DMPK: variants seen among roughly 807,000 people sequenced by gnomAD.
DMPK encodes the protein myotonin-protein kinase.
In DMPK, 32 loss-of-function variants were observed where a neutral mutation model predicts 70.3. That is an observed-to-expected ratio of 0.46 (90% confidence interval 0.34 to 0.61). DMPK has a LOEUF of 0.61. DMPK is among the 20% of genes least tolerant of loss of function. DMPK has a pLI of 0.01. For synonymous variants in DMPK, 469 were observed against 390.9 expected, an observed-to-expected ratio of 1.20 and a Z score of -2.36; for missense variants, 899 against 886.0, an observed-to-expected ratio of 1.01 and a Z score of -0.19.
intron 14 of DMPK, 112 bp from the exon 15 acceptor site, chr19:45,770,752 G>A (rs1969353403): frequency 1.6e-6 from 2 of 1,260,798 alleles, no homozygotes; most frequent in East Asian, 2.5e-5. Context: ...CCCCGCCCCC[G>A]CCCCAACAGC....
Position 45,777,441 on chromosome 19 carries a change from C to G in DMPK, c.1032G>C (p.Trp344Cys). 1 of 1,613,462 alleles carries G rather than the reference C, an allele frequency of 6.2e-7. No homozygotes were observed. The highest frequency in any genetic ancestry group is 8.5e-7 in the Non-Finnish European group (1 of 1,180,018). Residue 344 changes from tryptophan to cysteine, a missense_variant, in exon 8 of 15, where the codon TGG becomes TGC. This residue lies in a region of DMPK where 555 missense variants were observed against 483.8 expected (regional missense o/e 1.15). Transcript: ENST00000291270. This position sits in a 1 kb window ranked among gnomAD's most constrained non-coding sequence, Gnocchi z 6.7. The part of the protein sequence containing the change: ...RTHPFFFGLD[W>C]DGLRDSVPPF... The stretch of plus-strand genomic sequence containing the variant: ...GGGGCACGCTGTCCCGGAGACCATC[C>G]CAGTCGAGGCCAAAGAAGAAGGGAT...
At chr19:45,778,281 C>G in intron 5 of DMPK, 61 bp from the exon 6 acceptor site, 1 of 1,512,388 alleles carries the variant, frequency 6.6e-7, no homozygotes, top group South Asian at 1.2e-5. Context: ...TCCCACCAGG[C>G]TCCGCCCCTC....
chr19:45,776,985 C>T (rs1969809110), intron 8 of DMPK: 1 of 268,090 alleles, frequency 3.7e-6, no homozygotes, highest in Non-Finnish European at 7.1e-6. Context: ...AGGAGGAGTC[C>T]TCTCCTGCTT....
chr19:45,780,670 G>A, intron 1 of DMPK: 1 of 966,422 alleles, frequency 1.0e-6, no homozygotes, highest in Non-Finnish European at 1.2e-6. Flanking sequence ...AGGATGGAGA[G>A]AGGGATGGGT....
In DMPK at chr19:45,778,940, G is replaced by A. The variant is rs977278903; in HGVS notation, c.433-299C>T. On this transcript the variant is annotated intron_variant, in intron 4 of 14. Coordinates refer to ENST00000291270, the MANE Select transcript of DMPK (RefSeq NM_004409.5). Reference sequence around the variant, plus strand: ...AGGCCACCCAACACCCAGAGAATAGGTCCCAGACACTCCTTCCCTAGGCAG... The same window carrying A: ...AGGCCACCCAACACCCAGAGAATAGATCCCAGACACTCCTTCCCTAGGCAG... 1.4e-5 allele frequency: 8 copies of A among 571,798 alleles called. No homozygotes were observed. In the African/African-American group the frequency reaches 1.5e-4, roughly 11 times the overall value. 35.4% of individuals were successfully genotyped at this position (571,798 alleles called of 1,614,324 possible).
At chr19:45,780,616 G>T in intron 1 of DMPK, 1 of 1,011,760 alleles carries the variant, frequency 9.9e-7, no homozygotes, top group Non-Finnish European at 1.2e-6. Context: ...AGGGACTGTG[G>T]GGACAGGGAG....
Position 45,777,865 on chromosome 19 carries a change from C to T in DMPK, c.684G>A (p.Ser228=), listed in dbSNP as rs767282165. 5.6e-6 allele frequency: 9 copies of T among 1,607,782 alleles called. 1 individual carries two copies. Among genetic ancestry groups the T allele is most frequent in the Middle Eastern group, 3.3e-4 (2 of 6,074 alleles). The part of the protein sequence containing the change: ...LKLRADGTVR[S]LVAVGTPDYL... ...AGTCTGGGGTGCCCACAGCCACCAG[C>T]GACCGCACCTGGACCAAAAGGAGCA... Residue 228 remains serine, a synonymous_variant, in exon 7 of 15, where the codon TCG becomes TCA. Coordinates refer to ENST00000291270, the MANE Select transcript of DMPK (RefSeq NM_004409.5). This position sits in a 1 kb window ranked among gnomAD's most constrained non-coding sequence, Gnocchi z 6.7.
rs1301249845 is a variant in DMPK, at chr19:45,780,002, A to G, written c.161-133T>C. On this transcript the variant is annotated intron_variant, in intron 1 of 14. Coordinates refer to ENST00000291270, the MANE Select transcript of DMPK (RefSeq NM_004409.5). ...TTCACCCTAGGACTGTCTGCTTCCCAGGGGCTTCCCCACATAAACACCGTG... is the reference window on the plus strand; with the variant it reads ...TTCACCCTAGGACTGTCTGCTTCCCGGGGGCTTCCCCACATAAACACCGTG... 3 of 1,556,926 alleles carry G rather than the reference A, an allele frequency of 1.9e-6. No individual in the cohort carries two copies. The African/African-American group carries it at 4.1e-5, about 21-fold the overall frequency.
intron 13 of DMPK, 32 bp from the exon 14 acceptor site, chr19:45,771,092 GAGCCC>G (rs528305659): frequency 1.3e-6 from 2 of 1,497,448 alleles, no homozygotes; most frequent in Non-Finnish European, 1.8e-6. Context: ...GACCCGATCG[GAGCCC>G]AGCCCAGCCC....
intron 1 of DMPK, among the ~76,000 whole-genome samples, chr19:45,781,850 G>C (rs1013707513): frequency 6.6e-6 from 1 of 152,166 alleles, no homozygotes. Context: ...GAGGGTCCTA[G>C]GAGAGGGAGC....
In DMPK at chr19:45,781,110, G is replaced by A. The variant is rs562893010; in HGVS notation, c.160+1083C>T. Among the ~76,000 whole-genome samples the A allele has an allele frequency of 4.0e-4, 61 of 152,318 alleles. No individual in the cohort carries two copies. The South Asian group carries it at 0.012, about 31-fold the overall frequency. The stretch of plus-strand genomic sequence containing the variant: ...CCATCTGTGAAATGGGAGGAGGAGG[G>A]AAAGGAACCAGGCCTGGGTCAGAAA... On this transcript the variant is annotated intron_variant, in intron 1 of 14. Coordinates refer to ENST00000291270, the MANE Select transcript of DMPK (RefSeq NM_004409.5).
Position 45,777,766 on chromosome 19 carries a change from C to A in DMPK, c.783G>T (p.Trp261Cys), listed in dbSNP as rs1191244569. The change falls in exon 7 of 15, where the codon TGG becomes TGT. Residue 261 changes from tryptophan to cysteine, a missense_variant. Transcript: ENST00000291270. This position sits in a 1 kb window ranked among gnomAD's most constrained non-coding sequence, Gnocchi z 6.7. ...CATAGGCGAATACACCCAGCGCCCACCAGTCACACTCGGGCCCGTAGCTGC... is the reference window on the plus strand; with the variant it reads ...CATAGGCGAATACACCCAGCGCCCAACAGTCACACTCGGGCCCGTAGCTGC... Reference protein sequence around the residue: ...GTGSYGPECDWWALGVFAYEM... With the variant: ...GTGSYGPECDCWALGVFAYEM... 1.9e-6 allele frequency: 3 copies of A among 1,613,272 alleles called. No individual in the cohort carries two copies. Among genetic ancestry groups the A allele is most frequent in the Non-Finnish European group, 2.5e-6 (3 of 1,180,016 alleles).
chr19:45,779,666 G>A lies in DMPK; in HGVS notation c.252+112C>T, dbSNP rs374693463. The A allele has an allele frequency of 4.7e-5, 73 of 1,549,916 alleles. No homozygotes were observed. In the East Asian group the frequency reaches 1.5e-3, roughly 32 times the overall value. The stretch of plus-strand genomic sequence containing the variant: ...CCATTGGTCCCAAGCCCCGCCTCCA[G>A]CCCAGCCCTAGGTTCTAAGGCTCGG... On this transcript the variant is annotated intron_variant, in intron 2 of 14. Coordinates refer to ENST00000291270, the MANE Select transcript of DMPK (RefSeq NM_004409.5).
Position 45,779,255 on chromosome 19 carries a change from G to A in DMPK, c.432+9C>T, listed in dbSNP as rs557684528. 20 of 1,613,554 alleles carry A rather than the reference G, an allele frequency of 1.2e-5. No homozygotes were observed. In the Admixed American group the frequency reaches 1.5e-4, roughly 12 times the overall value. On this transcript the variant is annotated intron_variant, in intron 4 of 14. Coordinates refer to ENST00000291270, the MANE Select transcript of DMPK (RefSeq NM_004409.5). ...TCCCTCTTCCTAGTCACCCCGGCCCGGAGCTCACCAGGTAGTTCTCATCCT... is the reference window on the plus strand; with the variant it reads ...TCCCTCTTCCTAGTCACCCCGGCCCAGAGCTCACCAGGTAGTTCTCATCCT...
At chr19:45,773,804 C>A (rs1969614798) in intron 9 of DMPK, among the ~76,000 whole-genome samples, 1 of 152,090 alleles carries the variant, frequency 6.6e-6, no homozygotes, top group South Asian at 2.1e-4. Flanking sequence ...CCATGCCTGG[C>A]ACGATTTTTT....
Position 45,779,485 on chromosome 19 carries a change from T to C in DMPK, c.290A>G (p.Tyr97Cys). ...VVKMKQTGQV[Y>C]AMKIMNKWDM... ...CCACTTGTTCATGATCTTCATGGCA[T>C]ACACCTGGCCCGTCTGCTTCATCTT... Residue 97 changes from tyrosine to cysteine, a missense_variant, in exon 3 of 15, where the codon TAT becomes TGT. This residue lies in a region of DMPK where 149 missense variants were observed against 142.5 expected (regional missense o/e 1.05). Transcript: ENST00000291270. The C allele has an allele frequency of 6.2e-7, 1 of 1,613,938 alleles. No homozygotes were observed. Among genetic ancestry groups the C allele is most frequent in the East Asian group, 2.2e-5 (1 of 44,886 alleles).
chr19:45,777,313 C>T lies in DMPK; in HGVS notation c.1146+14G>A, dbSNP rs532237384. The T allele has an allele frequency of 1.0e-5, 16 of 1,550,750 alleles. No individual in the cohort carries two copies. The South Asian group carries it at 1.7e-4, about 17-fold the overall frequency. ...GGAGGTTCCCGCAGCCGAGCAGGGG[C>T]CACAGGTACCTACCCCGCCCCCGCT... is the stretch of plus-strand genomic sequence containing the variant. On this transcript the variant is annotated intron_variant, in intron 8 of 14. Transcript: ENST00000291270. This position sits in a 1 kb window ranked among gnomAD's most constrained non-coding sequence, Gnocchi z 6.7.
chr19:45,778,001 G>A, intron 6 of DMPK, 126 bp downstream of exon 6: 1 of 1,212,294 alleles, frequency 8.2e-7, no homozygotes, highest in Non-Finnish European at 1.2e-6. Flanking sequence ...CCGCCACACA[G>A]ATGCACACTT....
chr19:45,770,896 C>T (rs1969369550), intron 14 of DMPK, 75 bp downstream of exon 14: 2 of 1,183,626 alleles, frequency 1.7e-6, no homozygotes, highest in Admixed American at 6.5e-5. Flanking sequence ...CGCAAATGCG[C>T]AGCTAAGCGG....
Sources: gnomAD v4.1 joint callset for allele counts (sites outside exome capture counted in the v4.1 genomes callset) on GRCh38, gnomAD v4.1.1 for gene constraint, gnomAD v4.1.1 regional missense constraint, Gnocchi (gnomAD v3.1) non-coding constraint, MANE v1.5 for transcripts, NCBI Gene and HGNC (gene_info 2026-07-23, HGNC 2026-07-21) for gene names.